TBC1D22A: variants seen among roughly 807,000 people sequenced by gnomAD.
The protein encoded by TBC1D22A is putative GTPase activator.
A neutral mutation model predicts 60.2 loss-of-function variants in TBC1D22A; 38 were observed. The ratio of observed to expected loss-of-function variants is 0.63; its 90% CI spans 0.49 to 0.83. TBC1D22A has a LOEUF of 0.83. Ranked by LOEUF, TBC1D22A falls within the 40% of genes least tolerant of loss-of-function variation. TBC1D22A has a pLI of 0.00. For synonymous variants in TBC1D22A, 302 were observed against 281.7 expected (o/e 1.07, Z -0.72); for missense variants, 628 against 701.0 (o/e 0.90, Z 1.18).
intron 4 of TBC1D22A, among the ~76,000 whole-genome samples, chr22:46,821,234 C>T (rs557535230): frequency 6.6e-6 from 1 of 152,232 alleles, no homozygotes; most frequent in Admixed American, 6.5e-5. Flanking sequence ...AGCCCATTTA[C>T]ATATAAAGTT....
At chr22:46,830,406 G>A (rs1489434436) in intron 4 of TBC1D22A, among the ~76,000 whole-genome samples, 2 of 152,222 alleles carry the variant, frequency 1.3e-5, no homozygotes, top group Non-Finnish European at 2.9e-5. Flanking sequence ...AGATCTCCCA[G>A]GGCTAGAAAT....
intron 8 of TBC1D22A, among the ~76,000 whole-genome samples, chr22:46,954,382 G>A (rs1371072573): frequency 6.6e-6 from 1 of 152,254 alleles, no homozygotes; most frequent in East Asian, 1.9e-4. Context: ...TGGTTGGGGT[G>A]TGCTCATTCC....
At chr22:46,947,145 C>T (rs1392897664) in intron 8 of TBC1D22A, among the ~76,000 whole-genome samples, 1 of 151,912 alleles carries the variant, frequency 6.6e-6, no homozygotes, top group African/African-American at 2.4e-5. Flanking sequence ...TGCTGTGAAT[C>T]GGTAGAAAGA....
At position 46,897,861 on chromosome 22, in the gene TBC1D22A, G is replaced by A. The variant is rs1181603583; in HGVS notation, c.900+3015G>A. ...TTTGCATGTTGATTGCTTCAGTAAA[G>A]GCACGTTTAAACTTTGACATTTCTT... On this transcript the variant is annotated intron_variant, in intron 7 of 12. Transcript: ENST00000337137. Among the ~76,000 whole-genome samples the A allele has an allele frequency of 5.3e-5, 8 of 151,842 alleles. 1 individual carries two copies. The highest frequency in any genetic ancestry group is 1.7e-4 in the African/African-American group (7 of 41,380).
chr22:46,856,661 G>T (rs1373933296), intron 4 of TBC1D22A, among the ~76,000 whole-genome samples: 1 of 152,166 alleles, frequency 6.6e-6, no homozygotes, highest in African/African-American at 2.4e-5. Flanking sequence ...TACCAGACGT[G>T]CAGATTAGTT....
intron 12 of TBC1D22A, among the ~76,000 whole-genome samples, chr22:47,163,508 G>A (rs7289758): frequency 0.065 from 9,963 of 152,280 alleles, 1,028 homozygotes; most frequent in African/African-American, 0.22. Flanking sequence ...CAGTCCTCAC[G>A]GAGTCTTGAA....
chr22:47,071,156 T>A (rs1170235521), intron 11 of TBC1D22A, among the ~76,000 whole-genome samples: 2 of 152,210 alleles, frequency 1.3e-5, no homozygotes, highest in Admixed American at 1.3e-4. Context: ...CAACCTCCCA[T>A]ACCTTTGGAG....
At chr22:47,051,490 G>A (rs935393343) in intron 11 of TBC1D22A, among the ~76,000 whole-genome samples, 15 of 152,164 alleles carry the variant, frequency 9.9e-5, no homozygotes, top group Admixed American at 4.6e-4. Flanking sequence ...CCCTGGGTGC[G>A]GCAGGGGTGG....
intron 8 of TBC1D22A, among the ~76,000 whole-genome samples, chr22:46,949,708 A>G (rs995049559): frequency 3.9e-5 from 6 of 152,224 alleles, no homozygotes; most frequent in Non-Finnish European, 8.8e-5. Flanking sequence ...ACTAAGTTGG[A>G]TATTGGCAAG....
chr22:47,061,117 C>T (rs1268699798), intron 11 of TBC1D22A, among the ~76,000 whole-genome samples: 1 of 151,452 alleles, frequency 6.6e-6, no homozygotes, highest in Non-Finnish European at 1.5e-5. Flanking sequence ...GTGCCCTCAC[C>T]ACCGTCCTGG....
At chr22:47,161,339 T>TA (rs946826458) in intron 12 of TBC1D22A, among the ~76,000 whole-genome samples, 4 of 82,276 alleles carry the variant, frequency 4.9e-5, no homozygotes, top group Admixed American at 1.2e-4. Flanking sequence ...AGTCTCTTGG[T>TA]ATGGGGGGCA....
At chr22:47,003,978 A>T (rs913996055) in intron 10 of TBC1D22A, among the ~76,000 whole-genome samples, 2 of 129,824 alleles carry the variant, frequency 1.5e-5, no homozygotes, top group African/African-American at 6.2e-5. Context: ...TACACACCCT[A>T]CGCACACATG....
At chr22:46,833,828 A>G (rs908228741) in intron 4 of TBC1D22A, among the ~76,000 whole-genome samples, 7 of 152,166 alleles carry the variant, frequency 4.6e-5, no homozygotes, top group Admixed American at 2.0e-4. Flanking sequence ...ATGCCAGCCT[A>G]CTGATACCTG....
At chr22:46,943,749 T>C (rs1164995273) in intron 8 of TBC1D22A, among the ~76,000 whole-genome samples, 1 of 152,230 alleles carries the variant, frequency 6.6e-6, no homozygotes, top group South Asian at 2.1e-4. Flanking sequence ...GATCTGCTTT[T>C]CGTCTGCATG....
chr22:47,070,934 G>T (rs1005665371), intron 11 of TBC1D22A, among the ~76,000 whole-genome samples: 2 of 152,270 alleles, frequency 1.3e-5, no homozygotes, highest in Non-Finnish European at 2.9e-5. Flanking sequence ...GAGCTGACCT[G>T]ACGGTCCCGG....
At chr22:46,865,336 T>C (rs1569148447) in intron 4 of TBC1D22A, among the ~76,000 whole-genome samples, 1 of 152,252 alleles carries the variant, frequency 6.6e-6, no homozygotes. Context: ...CTAGCTGCAG[T>C]GTCCTTGACA....
chr22:47,020,846 A>ATTAATATATATATTTATCTTATATTATAT (rs2148337513), intron 10 of TBC1D22A, among the ~76,000 whole-genome samples: 1 of 146,714 alleles, frequency 6.8e-6, no homozygotes, highest in South Asian at 2.1e-4. Flanking sequence ...GTAATTATAT[A>ATTAATATATATATTTATCTTATATTATAT]ATTACAGGAT....
At chr22:46,778,705 T>C (rs555783752) in intron 1 of TBC1D22A, among the ~76,000 whole-genome samples, 8 of 152,262 alleles carry the variant, frequency 5.3e-5, no homozygotes, top group African/African-American at 1.7e-4. Flanking sequence ...TTGTATTTTG[T>C]TTTTTAAACA....
intron 8 of TBC1D22A, among the ~76,000 whole-genome samples, chr22:46,950,811 G>A (rs1486967411): frequency 2.0e-5 from 3 of 152,096 alleles, no homozygotes; most frequent in East Asian, 3.8e-4. Context: ...TGGATAACCG[G>A]GGACAATACA....
Sources: allele counts gnomAD v4.1 joint callset (sites outside exome capture counted in the v4.1 genomes callset), GRCh38; gene constraint gnomAD v4.1.1; transcripts MANE v1.5; gene names NCBI Gene and HGNC (gene_info 2026-07-23, HGNC 2026-07-21).